LDLRAD4: variants seen among roughly 807,000 people sequenced by gnomAD.
LDLRAD4 encodes low-density lipoprotein receptor class A domain-containing protein 4.
Under a neutral mutation model 17.0 loss-of-function variants are expected in LDLRAD4, and 5 were observed. That is an observed-to-expected ratio of 0.29 (90% CI 0.15 to 0.62). The LOEUF is 0.62. LDLRAD4 is among the 20% of genes least tolerant of loss of function. LDLRAD4 has a pLI of 0.84. For synonymous variants in LDLRAD4, 168 were observed against 171.8 expected, an observed-to-expected ratio of 0.98 and a Z score of 0.17; for missense variants, 340 against 424.7, an observed-to-expected ratio of 0.80 and a Z score of 1.75.
At position 13,265,669 on chromosome 18, in the gene LDLRAD4, C is replaced by T. The variant is rs1598993003; in HGVS notation, c.-466-12436C>T. Reference sequence around the variant, plus strand: ...TCAGTCATCTGGGGACTGTCCTCCCCAGGCACGTTTCCGAGGACTTGTCAC... The same window carrying T: ...TCAGTCATCTGGGGACTGTCCTCCCTAGGCACGTTTCCGAGGACTTGTCAC... On this transcript the variant is annotated intron_variant, in intron 1 of 5. Transcript: ENST00000399848. Among the ~76,000 whole-genome samples the T allele has an allele frequency of 2.0e-5, 3 of 152,208 alleles. No individual in the cohort carries two copies. The South Asian group carries it at 6.2e-4, about 32-fold the overall frequency.
chr18:13,353,828 C>T (rs980275881), intron 1 of LDLRAD4, among the ~76,000 whole-genome samples: 1 of 152,214 alleles, frequency 6.6e-6, no homozygotes, highest in African/African-American at 2.4e-5. Context: ...TTGAATGTGG[C>T]TTCTTCAGTA....
intron 3 of LDLRAD4, among the ~76,000 whole-genome samples, chr18:13,566,081 C>T (rs920729662): frequency 2.0e-5 from 3 of 152,196 alleles, no homozygotes; most frequent in Non-Finnish European, 1.5e-5. Flanking sequence ...AGCCCCTGCT[C>T]CTGGGGCTGT....
At chr18:13,651,695 T>TG (rs1490085172) in exon 6 of LDLRAD4, 1 of 152,224 alleles carries the variant, frequency 6.6e-6, no homozygotes, top group Non-Finnish European at 1.5e-5. Context: ...ATCTTGGGTG[T>TG]GGGCATCCTT....
intron 3 of LDLRAD4, among the ~76,000 whole-genome samples, chr18:13,536,042 T>A (rs2094196995): frequency 6.6e-6 from 1 of 152,204 alleles, no homozygotes; most frequent in African/African-American, 2.4e-5. Flanking sequence ...TCATTGTCTC[T>A]TGATTACTGT....
Position 13,379,646 on chromosome 18 carries a change from CT to C in LDLRAD4, c.-382-7692del, listed in dbSNP as rs563000400. 2.6e-3 allele frequency among the ~76,000 whole-genome samples: 396 copies of C among 152,334 alleles called. 1 individual carries two copies. Among genetic ancestry groups the C allele is most frequent in the African/African-American group, 9.5e-3 (393 of 41,570 alleles). ...TGAAATACTGAATGAAGAGATGCAG[CT>C]TTGGTGGCGTCCTGCAGGCCAGAGA... On this transcript the variant is annotated intron_variant, in intron 1 of 5. Coordinates refer to ENST00000359446, the Ensembl canonical transcript of LDLRAD4.
At chr18:13,337,910 T>C (rs1406549120) in intron 1 of LDLRAD4, among the ~76,000 whole-genome samples, 1 of 152,138 alleles carries the variant, frequency 6.6e-6, no homozygotes, top group Non-Finnish European at 1.5e-5. Flanking sequence ...TTCTTCAGTG[T>C]TGGAGATACA....
chr18:13,237,765 A>G (rs2042409226), intron 1 of LDLRAD4, among the ~76,000 whole-genome samples: 1 of 152,252 alleles, frequency 6.6e-6, no homozygotes, highest in Admixed American at 6.5e-5. Flanking sequence ...ATTGCTGTCC[A>G]GCAGTTTGCA....
intron 3 of LDLRAD4, among the ~76,000 whole-genome samples, chr18:13,507,486 A>G (rs892077712): frequency 2.0e-5 from 3 of 152,216 alleles, no homozygotes; most frequent in East Asian, 1.9e-4. Context: ...TGCAAAAGAC[A>G]TTATTTCATT....
chr18:13,433,245 G>A (rs148751220), intron 2 of LDLRAD4, among the ~76,000 whole-genome samples: 1 of 152,244 alleles, frequency 6.6e-6, no homozygotes, highest in African/African-American at 2.4e-5. Flanking sequence ...AAAGGCACCC[G>A]TACAGAGAGC....
At chr18:13,344,888 C>T (rs1017260508) in intron 1 of LDLRAD4, among the ~76,000 whole-genome samples, 1 of 151,966 alleles carries the variant, frequency 6.6e-6, no homozygotes, top group Non-Finnish European at 1.5e-5. Context: ...TGTTTGTCTG[C>T]TGTTGGTGTA....
At chr18:13,577,612 G>A (rs2094793649) in intron 3 of LDLRAD4, among the ~76,000 whole-genome samples, 1 of 152,146 alleles carries the variant, frequency 6.6e-6, no homozygotes, top group Non-Finnish European at 1.5e-5. Flanking sequence ...GATAGTGAGG[G>A]GAAACGCAAA....
chr18:13,443,539 G>T (rs142131108), intron 3 of LDLRAD4, among the ~76,000 whole-genome samples: 114 of 152,260 alleles, frequency 7.5e-4, no homozygotes, highest in African/African-American at 2.5e-3. Flanking sequence ...TTCTCCAGTT[G>T]TGTTATAAAC....
chr18:13,429,276 T>A (rs2090162284), intron 2 of LDLRAD4, among the ~76,000 whole-genome samples: 1 of 152,178 alleles, frequency 6.6e-6, no homozygotes, highest in African/African-American at 2.4e-5. Flanking sequence ...AAAGCCTGAT[T>A]CGGATTTGTT....
rs1555663310 is a variant in LDLRAD4, at chr18:13,370,719, T to TTTTTTGTTTGTTTG, written c.-382-16617_-382-16616insGTTTGTTTGTTTTT. Among the ~76,000 whole-genome samples, 319 of 144,906 alleles carry TTTTTTGTTTGTTTG rather than the reference T, an allele frequency of 2.2e-3. 7 individuals carry two copies. Among genetic ancestry groups the TTTTTTGTTTGTTTG allele is most frequent in the African/African-American group, 6.9e-3 (268 of 38,692 alleles). On this transcript the variant is annotated intron_variant, in intron 1 of 5. Transcript: ENST00000359446. ...TTTCATGGTTTTTTGTTTTGTTTTTTTTTTTTTTTGAGATGGATTCTTGCT... is the reference window on the plus strand; with the variant it reads ...TTTCATGGTTTTTTGTTTTGTTTTTTTTTTTGTTTGTTTGTTTTTTTTTGAGATGGATTCTTGCT...
chr18:13,471,175 T>A (rs1410237233), intron 3 of LDLRAD4: 1 of 152,290 alleles, frequency 6.6e-6, no homozygotes, highest in Non-Finnish European at 1.5e-5. Flanking sequence ...GGCTTGTGAT[T>A]GGGCCCCAAG....
At chr18:13,344,397 G>A (rs1404633806) in intron 1 of LDLRAD4, among the ~76,000 whole-genome samples, 1 of 152,088 alleles carries the variant, frequency 6.6e-6, no homozygotes, top group African/African-American at 2.4e-5. Context: ...AGTTGTAGAT[G>A]CGTGGCATTA....
At chr18:13,286,499 G>C (rs1166517525) in intron 1 of LDLRAD4, among the ~76,000 whole-genome samples, 1 of 152,228 alleles carries the variant, frequency 6.6e-6, no homozygotes, top group East Asian at 1.9e-4. Context: ...AGCCTCCTGA[G>C]TAGTTGGGAA....
At position 13,300,994 on chromosome 18, in the gene LDLRAD4, G is replaced by C. The variant is rs1418901683; in HGVS notation, c.-383+22806G>C. On this transcript the variant is annotated intron_variant, in intron 1 of 5. Coordinates refer to ENST00000359446, the Ensembl canonical transcript of LDLRAD4. This position sits in a 1 kb window ranked among gnomAD's most constrained non-coding sequence, Gnocchi z 4.2. ...CGCCCTGAGGAGCATGTGTGTCTCC[G>C]CACTATGCCCTCAGCGGCCGCTGGA... Among the ~76,000 whole-genome samples, 1 of 152,220 alleles carries C rather than the reference G, an allele frequency of 6.6e-6. No individual in the cohort carries two copies. The highest frequency in any genetic ancestry group is 2.4e-5 in the African/African-American group (1 of 41,464).
intron 3 of LDLRAD4, among the ~76,000 whole-genome samples, chr18:13,459,692 G>A (rs1486776344): frequency 6.6e-6 from 1 of 152,138 alleles, no homozygotes; most frequent in Non-Finnish European, 1.5e-5. Flanking sequence ...CAAATTCGGT[G>A]TTTTAAGCCA....
Sources: allele counts gnomAD v4.1 joint callset (sites outside exome capture counted in the v4.1 genomes callset), GRCh38; gene constraint gnomAD v4.1.1; non-coding constraint Gnocchi (gnomAD v3.1); transcripts MANE v1.5; gene names NCBI Gene and HGNC (gene_info 2026-07-23, HGNC 2026-07-21).